The following CACHD1 variants were observed in gnomAD, a reference collection of about 807,000 sequenced individuals.
CACHD1 encodes the protein VWFA and cache domain-containing protein 1.
CACHD1 carries 71 observed loss-of-function variants against 138.7 expected under a neutral mutation model. The ratio of observed to expected loss-of-function variants is 0.51; its 90% confidence interval spans 0.42 to 0.62. The LOEUF is 0.62. Among genes scored for constraint, CACHD1 ranks in the 20% least tolerant of loss-of-function variants. The pLI, the probability that CACHD1 is intolerant of heterozygous loss-of-function variation, is 0.00. For missense variants in CACHD1, 1,389 were observed against 1,625.3 expected, an observed-to-expected ratio of 0.85 and a Z score of 2.50; for synonymous variants, 578 against 591.5, an observed-to-expected ratio of 0.98 and a Z score of 0.33.
intron 1 of CACHD1, among the ~76,000 whole-genome samples, chr1:64,483,368 C>T (rs1290111473): frequency 6.6e-6 from 1 of 152,152 alleles, no homozygotes; most frequent in African/African-American, 2.4e-5. Flanking sequence ...TGAACACAGA[C>T]TATGTGCCAG....
intron 3 of CACHD1, among the ~76,000 whole-genome samples, chr1:64,583,867 C>T (rs577763256): frequency 1.4e-4 from 21 of 152,204 alleles, no homozygotes; most frequent in African/African-American, 3.9e-4. Context: ...ACCCACCCAC[C>T]GATTCAATCA....
chr1:64,675,989 ATAAT>A lies in CACHD1; in HGVS notation c.2975+11_2975+14del, dbSNP rs987798069. 2.1e-5 allele frequency: 15 copies of A among 707,394 alleles called. No homozygotes were observed. The highest frequency in any genetic ancestry group is 2.6e-5 in the Non-Finnish European group (13 of 503,954). The allele number at this position is 707,394 out of a possible 1,614,324, so 43.8% of individuals were successfully genotyped here. ...CTCACCAATGCAGAGAACCGGTAAAATAATTAATAATAATAATAATAATAATAAT... is the reference window on the plus strand; with the variant it reads ...CTCACCAATGCAGAGAACCGGTAAAATAATAATAATAATAATAATAATAAT... On this transcript the variant is annotated splice_region_variant and intron_variant, in intron 21 of 26. Transcript: ENST00000651257.
intron 1 of CACHD1, among the ~76,000 whole-genome samples, chr1:64,508,789 C>T (rs1646396632): frequency 2.6e-5 from 4 of 152,214 alleles, no homozygotes; most frequent in Non-Finnish European, 5.9e-5. Context: ...CACTGGCTTA[C>T]TGCCGCAGGC....
At chr1:64,582,664 C>G (rs1027138988) in intron 3 of CACHD1, among the ~76,000 whole-genome samples, 5 of 152,114 alleles carry the variant, frequency 3.3e-5, no homozygotes, top group African/African-American at 1.2e-4. Flanking sequence ...TGCCTTTTGT[C>G]TTTAAAAGAG....
At chr1:64,523,743 A>G (rs926384601) in intron 1 of CACHD1, among the ~76,000 whole-genome samples, 8 of 152,220 alleles carry the variant, frequency 5.3e-5, no homozygotes, top group African/African-American at 1.4e-4. Flanking sequence ...AAGTTGACAT[A>G]TAAAATGTAT....
At chr1:64,579,566 AT>A (rs564008593) in intron 2 of CACHD1, among the ~76,000 whole-genome samples, 6 of 152,200 alleles carry the variant, frequency 3.9e-5, no homozygotes, top group African/African-American at 4.8e-5. Flanking sequence ...TATGTGGGAA[AT>A]TAATGATATT....
In CACHD1 at chr1:64,652,290, C is replaced by A; in HGVS notation, c.1520C>A (p.Thr507Asn). Residue 507 changes from threonine to asparagine, a missense_variant, in exon 10 of 27, where the codon ACT becomes AAT. Thr to Asn is a moderately conservative substitution (Grantham distance 65). Coordinates refer to ENST00000651257, the MANE Select transcript of CACHD1 (RefSeq NM_020925.4). Reference protein sequence around the residue: ...TYYQDSLASYTFLIDDKGYTL... With the variant: ...TYYQDSLASYNFLIDDKGYTL... ...TACCAAGACTCTTTGGCTTCCTATA[C>A]TTTTCTCATAGACGACAAAGGTAAT... is the stretch of plus-strand genomic sequence containing the variant. 6.2e-7 allele frequency: 1 copy of A among 1,609,160 alleles called. No individual in the cohort carries two copies. Among genetic ancestry groups the A allele is most frequent in the Non-Finnish European group, 8.5e-7 (1 of 1,178,634 alleles).
At chr1:64,663,995 G>A (rs1360545592) in intron 14 of CACHD1, among the ~76,000 whole-genome samples, 158 bp downstream of exon 14, 6 of 152,156 alleles carry the variant, frequency 3.9e-5, no homozygotes, top group African/African-American at 2.4e-5. Flanking sequence ...CTGGTCAGCA[G>A]TGACTCTTCT....
intron 16 of CACHD1, among the ~76,000 whole-genome samples, chr1:64,669,067 T>A (rs529618892): frequency 3.1e-4 from 47 of 151,794 alleles, no homozygotes; most frequent in African/African-American, 1.1e-3. Context: ...CTATCTCAAA[T>A]GATTATTTTT....
chr1:64,633,971 T>TTACA (rs1045626980), intron 6 of CACHD1, 73 bp from the exon 7 acceptor site: 27 of 1,241,214 alleles, frequency 2.2e-5, no homozygotes, highest in Non-Finnish European at 2.8e-5. Context: ...GCCTCTTCTG[T>TTACA]TACATAAATA....
Position 64,549,804 on chromosome 1 carries a change from AT to A in CACHD1, c.199-783del, listed in dbSNP as rs1161495313. Among the ~76,000 whole-genome samples the A allele has an allele frequency of 2.5e-4, 38 of 149,262 alleles. No homozygotes were observed. The East Asian group carries it at 3.2e-3, about 12-fold the overall frequency. On this transcript the variant is annotated intron_variant, in intron 1 of 26. Coordinates refer to ENST00000651257, the MANE Select transcript of CACHD1 (RefSeq NM_020925.4). ...GGCTGCTGCTCTTTTTATTTTTTTT[AT>A]TTTTTTGCTCCTCTAGCAGATACAT... is the stretch of plus-strand genomic sequence containing the variant.
At chr1:64,581,974 C>T (rs917557441) in intron 2 of CACHD1, among the ~76,000 whole-genome samples, 182 bp from the exon 3 acceptor site, 10 of 152,146 alleles carry the variant, frequency 6.6e-5, no homozygotes, top group Admixed American at 6.5e-4. Context: ...TCTATGACTT[C>T]TGGGCATTGT....
chr1:64,657,237 T>TAG (rs1446524648), intron 12 of CACHD1, among the ~76,000 whole-genome samples: 2 of 152,164 alleles, frequency 1.3e-5, no homozygotes, highest in Non-Finnish European at 2.9e-5. Flanking sequence ...TCCCAACCCA[T>TAG]AGAGAGCCCT....
chr1:64,639,269 C>G (rs1464602931), intron 7 of CACHD1, among the ~76,000 whole-genome samples: 1 of 152,132 alleles, frequency 6.6e-6, no homozygotes, highest in African/African-American at 2.4e-5. Flanking sequence ...CAACTAGGGA[C>G]TCAAGCAATT....
chr1:64,591,108 A>G (rs1479540121), intron 3 of CACHD1, among the ~76,000 whole-genome samples: 1 of 152,198 alleles, frequency 6.6e-6, no homozygotes, highest in African/African-American at 2.4e-5. Context: ...TCTGGGTTCC[A>G]TGAGAGAGTT....
chr1:64,573,040 C>T (rs1646938413), intron 2 of CACHD1, among the ~76,000 whole-genome samples: 2 of 152,140 alleles, frequency 1.3e-5, no homozygotes, highest in African/African-American at 2.4e-5. Flanking sequence ...TGACAGCGGC[C>T]AGTTGCTATC....
chr1:64,649,214 T>G (rs1037887533), intron 9 of CACHD1, among the ~76,000 whole-genome samples: 1 of 152,116 alleles, frequency 6.6e-6, no homozygotes, highest in African/African-American at 2.4e-5. Context: ...ATTTTTATTT[T>G]TAAAGAGACA....
At chr1:64,598,314 G>A (rs1647175482) in intron 3 of CACHD1, among the ~76,000 whole-genome samples, 1 of 152,152 alleles carries the variant, frequency 6.6e-6, no homozygotes. Flanking sequence ...TTGATTTCTA[G>A]GCTTTTCATG....
Position 64,677,021 on chromosome 1 carries a change from A to T in CACHD1, c.3092+10A>T. On this transcript the variant is annotated intron_variant, in intron 22 of 26. Transcript: ENST00000651257. Reference sequence around the variant, plus strand: ...AGAGGCTGGAAAGTGGGTAAGCAGAATCTAGTAAAGAATTGAGGTTTTCCA... The same window carrying T: ...AGAGGCTGGAAAGTGGGTAAGCAGATTCTAGTAAAGAATTGAGGTTTTCCA... 6.3e-7 allele frequency: 1 copy of T among 1,591,134 alleles called. No homozygotes were observed. The highest frequency in any genetic ancestry group is 8.6e-7 in the Non-Finnish European group (1 of 1,161,478).
Sources: allele counts gnomAD v4.1 joint callset (sites outside exome capture counted in the v4.1 genomes callset), GRCh38; gene constraint gnomAD v4.1.1; transcripts MANE v1.5; gene names NCBI Gene and HGNC (gene_info 2026-07-23, HGNC 2026-07-21).